Variants in PEAK1 observed in about 807,000 individuals in gnomAD.
The protein encoded by PEAK1 is pseudopodium enriched atypical kinase 1.
PEAK1 carries 54 observed loss-of-function variants against 124.7 expected under a neutral mutation model. The observed-to-expected ratio is 0.43, with a 90% CI of 0.35 to 0.54. PEAK1 has a LOEUF of 0.54. Ranked by LOEUF, PEAK1 falls within the 20% of genes least tolerant of loss-of-function variation. PEAK1 has a pLI of 0.01. For missense variants in PEAK1, 2,046 were observed against 2,134.5 expected (o/e 0.96, Z 0.82); for synonymous variants, 719 against 760.0 (o/e 0.95, Z 0.89).
intron 6 of PEAK1, among the ~76,000 whole-genome samples, chr15:77,196,839 CTTAA>C (rs754314402): frequency 1.5e-4 from 23 of 152,084 alleles, no homozygotes; most frequent in Non-Finnish European, 2.4e-4. Flanking sequence ...TCTAAGACAG[CTTAA>C]TTAATTAATT....
chr15:77,263,639 G>T lies in PEAK1; in HGVS notation c.-274-11113C>A, dbSNP rs1042003300. ...TAGCTTACTAACCAAAAAAAGGCCA[G>T]GACCAGATGGATTCACAGCCGAATT... On this transcript the variant is annotated intron_variant, in intron 5 of 9. Transcript: ENST00000682557. Among the ~76,000 whole-genome samples the T allele has an allele frequency of 3.3e-5, 5 of 152,126 alleles. No individual in the cohort carries two copies. In the East Asian group the frequency reaches 9.6e-4, roughly 29 times the overall value.
At chr15:77,407,029 A>G (rs980786849) in intron 1 of PEAK1, among the ~76,000 whole-genome samples, 1 of 152,182 alleles carries the variant, frequency 6.6e-6, no homozygotes, top group Non-Finnish European at 1.5e-5. Flanking sequence ...GAAAGAGGAT[A>G]CCCTATTCAA....
intron 6 of PEAK1, among the ~76,000 whole-genome samples, chr15:77,217,259 G>A (rs2059191229): frequency 6.6e-6 from 1 of 151,490 alleles, no homozygotes; most frequent in African/African-American, 2.4e-5. Context: ...GGCAGGTTGT[G>A]GGGAGCACAA....
At chr15:77,159,608 T>C (rs1359236352) in intron 7 of PEAK1, among the ~76,000 whole-genome samples, 1 of 152,148 alleles carries the variant, frequency 6.6e-6, no homozygotes, top group East Asian at 1.9e-4. Flanking sequence ...TTATCACACA[T>C]TCATTAGCTA....
chr15:77,129,599 C>CTTTTTTTT (rs148499293), intron 9 of PEAK1, among the ~76,000 whole-genome samples: 3 of 130,004 alleles, frequency 2.3e-5, no homozygotes, highest in Non-Finnish European at 1.7e-5. Flanking sequence ...CAATGACTGG[C>CTTTTTTTT]TATTTTTTTT....
intron 6 of PEAK1, among the ~76,000 whole-genome samples, chr15:77,219,519 C>T (rs1343732989): frequency 6.6e-6 from 1 of 152,042 alleles, no homozygotes; most frequent in Non-Finnish European, 1.5e-5. Context: ...AGCAGGTACT[C>T]TTTAGTCAGG....
At chr15:77,119,512 A>G (rs935989591) in intron 9 of PEAK1, among the ~76,000 whole-genome samples, 1 of 152,160 alleles carries the variant, frequency 6.6e-6, no homozygotes, top group African/African-American at 2.4e-5. Flanking sequence ...CCAGATTCCT[A>G]AATACAGAGG....
chr15:77,197,477 T>C (rs2058163649), intron 6 of PEAK1, among the ~76,000 whole-genome samples: 1 of 152,186 alleles, frequency 6.6e-6, no homozygotes, highest in Non-Finnish European at 1.5e-5. Flanking sequence ...TTAAATAATC[T>C]TTTGAAAGTT....
chr15:77,335,076 T>C, intron 2 of PEAK1: 2 of 985,426 alleles, frequency 2.0e-6, no homozygotes, highest in Non-Finnish European at 2.4e-6. Context: ...GGAGGTGCTA[T>C]AAGCAAACTC....
At chr15:77,138,454 C>A (rs1473798567) in intron 8 of PEAK1, among the ~76,000 whole-genome samples, 2 of 152,104 alleles carry the variant, frequency 1.3e-5, no homozygotes, top group East Asian at 3.9e-4. Flanking sequence ...AATAAATTAA[C>A]CTTAGCTTAC....
intron 7 of PEAK1, among the ~76,000 whole-genome samples, chr15:77,166,708 G>A (rs1032021882): frequency 6.6e-6 from 1 of 152,230 alleles, no homozygotes; most frequent in Non-Finnish European, 1.5e-5. Flanking sequence ...GTGGAGCTGA[G>A]ATTCAAACCC....
intron 6 of PEAK1, among the ~76,000 whole-genome samples, chr15:77,250,886 A>T (rs2060848379): frequency 1.3e-5 from 2 of 152,228 alleles, no homozygotes; most frequent in South Asian, 4.1e-4. Flanking sequence ...ATCAAGGTTA[A>T]TGTTAGTACA....
chr15:77,249,430 T>C (rs569805535), intron 6 of PEAK1, among the ~76,000 whole-genome samples: 37 of 152,336 alleles, frequency 2.4e-4, no homozygotes, highest in African/African-American at 7.7e-4. Context: ...GTGGCCATGA[T>C]AGTTCACACC....
intron 7 of PEAK1, among the ~76,000 whole-genome samples, chr15:77,167,807 A>G (rs1486469253): frequency 6.6e-6 from 1 of 152,160 alleles, no homozygotes; most frequent in Non-Finnish European, 1.5e-5. Flanking sequence ...TTACATATGT[A>G]TACATGTGCC....
At chr15:77,353,428 G>C (rs1258534146) in intron 2 of PEAK1, among the ~76,000 whole-genome samples, 3 of 152,168 alleles carry the variant, frequency 2.0e-5, no homozygotes, top group Non-Finnish European at 2.9e-5. Flanking sequence ...TGCGACACTG[G>C]TTTCAAGACT....
At chr15:77,340,095 T>C (rs1436789740) in intron 2 of PEAK1, among the ~76,000 whole-genome samples, 2 of 152,226 alleles carry the variant, frequency 1.3e-5, no homozygotes, top group East Asian at 3.8e-4. Flanking sequence ...TCTCACAAAG[T>C]TGAACTTAGT....
chr15:77,239,965 C>T lies in PEAK1; in HGVS notation c.-115+12402G>A, dbSNP rs76696723. The T allele has an allele frequency of 1.3e-4, 52 of 413,456 alleles. No individual in the cohort carries two copies. The East Asian group carries it at 8.3e-3, about 66-fold the overall frequency. The allele number at this position is 413,456 out of a possible 1,614,324, so 25.6% of individuals were successfully genotyped here. On this transcript the variant is annotated intron_variant, in intron 6 of 9. Transcript: ENST00000682557. Reference sequence around the variant, plus strand: ...AAATACTATGACAAATAGATGAGCACTTTTAAGTTGCAGGAAATAAGAATA... The same window carrying T: ...AAATACTATGACAAATAGATGAGCATTTTTAAGTTGCAGGAAATAAGAATA...
At chr15:77,103,537 T>C (rs2050716081), downstream of PEAK1, 1 of 152,216 alleles carries the variant, frequency 6.6e-6, no homozygotes, top group Non-Finnish European at 1.5e-5. Flanking sequence ...GCGTATGTCT[T>C]GTATATATTT....
intron 6 of PEAK1, among the ~76,000 whole-genome samples, chr15:77,239,086 A>G (rs1001439662): frequency 2.0e-5 from 3 of 152,232 alleles, no homozygotes; most frequent in East Asian, 1.9e-4. Context: ...AGGAATGTGT[A>G]GTAGCAAGGA....
Sources: allele counts gnomAD v4.1 joint callset (sites outside exome capture counted in the v4.1 genomes callset), GRCh38; gene constraint gnomAD v4.1.1; transcripts MANE v1.5; gene names NCBI Gene and HGNC (gene_info 2026-07-23, HGNC 2026-07-21).